TNRC6B: variants seen among roughly 807,000 people sequenced by gnomAD.
The protein encoded by TNRC6B is trinucleotide repeat-containing gene 6B protein.
In TNRC6B, 52 loss-of-function variants were observed where a neutral mutation model predicts 203.6. The observed-to-expected ratio is 0.26, with a 90% CI of 0.20 to 0.32. TNRC6B has a LOEUF of 0.32. TNRC6B is among the 10% of genes least tolerant of loss of function. The pLI is 1.00. For synonymous variants in TNRC6B, 838 were observed against 845.7 expected, an observed-to-expected ratio of 0.99 and a Z score of 0.16; for missense variants, 1,923 against 2,286.2, an observed-to-expected ratio of 0.84 and a Z score of 3.24.
At chr22:40,243,477 C>T (rs1236610903) in intron 1 of TNRC6B, among the ~76,000 whole-genome samples, 1 of 152,204 alleles carries the variant, frequency 6.6e-6, no homozygotes, top group Non-Finnish European at 1.5e-5. Flanking sequence ...GCATGAATTT[C>T]AATCTATTTC....
chr22:40,333,461 A>G lies in TNRC6B; in HGVS notation c.*10220A>G, dbSNP rs1037742982. ...TGAATTTCTCTCTTCCAGCAGATCC[A>G]TCCCCTGCAGGGACTCCAGAATGTT... On this transcript the variant is annotated 3_prime_UTR_variant, in exon 23 of 23. Transcript: ENST00000454349. 6.6e-6 allele frequency: 1 copy of G among 152,634 alleles called. No homozygotes were observed. The highest frequency in any genetic ancestry group is 6.5e-5 in the Admixed American group (1 of 15,272). The allele number at this position is 152,634 out of a possible 1,614,324, so 9.5% of individuals were successfully genotyped here.
intron 12 of TNRC6B, 138 bp downstream of exon 12, chr22:40,285,908 T>C (rs909971218): frequency 1.7e-6 from 2 of 1,171,676 alleles, no homozygotes; most frequent in Non-Finnish European, 2.4e-6. Flanking sequence ...TTCTTGACCT[T>C]TTGGCTAAGA....
chr22:40,277,042 A>G, intron 7 of TNRC6B, 35 bp from the exon 8 acceptor site: 1 of 1,525,390 alleles, frequency 6.6e-7, no homozygotes, highest in Non-Finnish European at 8.8e-7. Context: ...GAAATAAATT[A>G]TTTGGTTCTG....
At position 40,328,098 on chromosome 22, in the gene TNRC6B, C is replaced by G. The variant is rs1601528224; in HGVS notation, c.*4857C>G. On this transcript the variant is annotated 3_prime_UTR_variant, in exon 23 of 23. Coordinates refer to ENST00000454349, the MANE Select transcript of TNRC6B (RefSeq NM_001162501.2). ...TGAGACACTGTGAAGAAATGGATGG[C>G]TCATGTAACATCTCTGATCCCTCAG... 1 of 152,204 alleles carries G rather than the reference C, an allele frequency of 6.6e-6. No homozygotes were observed. The highest frequency in any genetic ancestry group is 6.5e-5 in the Admixed American group (1 of 15,270). The allele number at this position is 152,204 out of a possible 1,614,324, so 9.4% of individuals were successfully genotyped here. A position where few individuals can be genotyped will look rare whatever the true frequency, so the allele number is the denominator to read the frequency against.
intron 3 of TNRC6B, among the ~76,000 whole-genome samples, chr22:40,154,499 C>A (rs970827525): frequency 6.6e-6 from 1 of 150,518 alleles, no homozygotes; most frequent in Admixed American, 6.6e-5. Context: ...AAAATAAAAG[C>A]ATGTATATAC....
Position 40,290,105 on chromosome 22 carries a change from A to G in TNRC6B, c.3708+4335A>G, listed in dbSNP as rs1295461684. 2.0e-5 allele frequency among the ~76,000 whole-genome samples: 3 copies of G among 152,332 alleles called. No homozygotes were observed. In the East Asian group the frequency reaches 5.8e-4, roughly 29 times the overall value. The stretch of plus-strand genomic sequence containing the variant: ...CCTGTTCCCCACCCTGCCTCGGCTC[A>G]ACATTTGCCTGTCTCACGTCTGAGT... On this transcript the variant is annotated intron_variant, in intron 12 of 22. Transcript: ENST00000454349.
chr22:40,205,940 C>T (rs777618208), intron 1 of TNRC6B, among the ~76,000 whole-genome samples: 8 of 152,200 alleles, frequency 5.3e-5, no homozygotes, highest in Admixed American at 2.0e-4. Context: ...AGGGGTGATC[C>T]ACGCAATAGT....
At chr22:40,244,578 CA>C (rs2070078730) in intron 1 of TNRC6B, among the ~76,000 whole-genome samples, 1 of 152,074 alleles carries the variant, frequency 6.6e-6, no homozygotes, top group South Asian at 2.1e-4. Context: ...CTCCGCTTCC[CA>C]AACTTGAGTC....
At chr22:40,301,577 C>T (rs139909) in intron 15 of TNRC6B, 342,318 of 503,550 alleles carry the variant, frequency 0.68, 118,721 homozygotes, top group African/African-American at 0.93. Flanking sequence ...AAGCAGTCTT[C>T]CTTTTTTTTG....
intron 1 of TNRC6B, among the ~76,000 whole-genome samples, chr22:40,052,604 G>A (rs891600365): frequency 1.3e-5 from 2 of 151,820 alleles, no homozygotes; most frequent in South Asian, 2.1e-4. Context: ...CTACAGACAC[G>A]CACCTCCACA....
intron 1 of TNRC6B, among the ~76,000 whole-genome samples, chr22:40,191,563 A>G (rs2069273837): frequency 6.6e-6 from 1 of 152,122 alleles, no homozygotes; most frequent in Admixed American, 6.6e-5. Flanking sequence ...TTGGTTTTGT[A>G]TTCTAAGAAA....
At chr22:40,143,621 T>C (rs909040682) in intron 3 of TNRC6B, among the ~76,000 whole-genome samples, 5 of 152,104 alleles carry the variant, frequency 3.3e-5, no homozygotes, top group Admixed American at 6.5e-5. Context: ...CCTCAGCCTC[T>C]GAGTAGCTGG....
chr22:40,199,632 A>C (rs1471785011), intron 1 of TNRC6B, among the ~76,000 whole-genome samples: 1 of 152,170 alleles, frequency 6.6e-6, no homozygotes, highest in African/African-American at 2.4e-5. Flanking sequence ...TAAATGCAAT[A>C]TGTGATTCTG....
At chr22:40,203,202 G>A (rs2069436528) in intron 1 of TNRC6B, among the ~76,000 whole-genome samples, 1 of 152,104 alleles carries the variant, frequency 6.6e-6, no homozygotes, top group Non-Finnish European at 1.5e-5. Flanking sequence ...TAAGCTATGG[G>A]TGCTTCCCAG....
chr22:40,240,128 G>T (rs2070008425), intron 1 of TNRC6B, among the ~76,000 whole-genome samples: 1 of 152,106 alleles, frequency 6.6e-6, no homozygotes, highest in Non-Finnish European at 1.5e-5. Flanking sequence ...ACTGTGCCCG[G>T]CCGAATATTG....
chr22:40,185,457 GTT>G (rs781203169), intron 1 of TNRC6B, among the ~76,000 whole-genome samples: 1 of 152,238 alleles, frequency 6.6e-6, no homozygotes, highest in East Asian at 1.9e-4. Flanking sequence ...TACCAAAGGA[GTT>G]TGAGGGAGGA....
At chr22:40,289,236 C>G (rs986135214) in intron 12 of TNRC6B, among the ~76,000 whole-genome samples, 1 of 151,924 alleles carries the variant, frequency 6.6e-6, no homozygotes, top group Non-Finnish European at 1.5e-5. Flanking sequence ...GAACCACGAT[C>G]AAGCCACTGC....
rs193239513 is a variant in TNRC6B at position 40,120,259 on chromosome 22, C to A, written c.-47+3131C>A. 1.5e-3 allele frequency among the ~76,000 whole-genome samples: 232 copies of A among 149,792 alleles called. 4 individuals are homozygous for A. The highest frequency in any genetic ancestry group is 3.9e-4 in the East Asian group (2 of 5,120). ...TGTAGTTCCAGCTACTTGGGAAGCC[C>A]AGTGAGGCTGAGGCTACATTGAGCC... On this transcript the variant is annotated intron_variant, in intron 2 of 23. Transcript: ENST00000301923.
At chr22:40,113,572 G>A (rs905059456) in intron 1 of TNRC6B, among the ~76,000 whole-genome samples, 1 of 152,222 alleles carries the variant, frequency 6.6e-6, no homozygotes, top group Admixed American at 6.5e-5. Context: ...GCCCAGGCTA[G>A]TCTTGAACTC....
Sources: allele counts gnomAD v4.1 joint callset (sites outside exome capture counted in the v4.1 genomes callset), GRCh38; gene constraint gnomAD v4.1.1; transcripts MANE v1.5; gene names NCBI Gene and HGNC (gene_info 2026-07-23, HGNC 2026-07-21).